Variants in MAP2K7 observed in about 807,000 individuals in gnomAD.
MAP2K7 encodes the protein dual specificity mitogen-activated protein kinase kinase 7.
Under a neutral mutation model 47.7 loss-of-function variants are expected in MAP2K7, and 12 were observed. The observed-to-expected ratio is 0.25, with a 90% confidence interval of 0.16 to 0.41. The LOEUF (loss-of-function observed/expected upper bound fraction) is 0.41. Among genes scored for constraint, MAP2K7 ranks in the 10% least tolerant of loss-of-function variants. The pLI, the probability that MAP2K7 is intolerant of heterozygous loss-of-function variation, is 1.00. For synonymous variants in MAP2K7, 299 were observed against 243.0 expected (o/e 1.23, Z -2.14); for missense variants, 415 against 600.3 (o/e 0.69, Z 3.23).
At chr19:7,905,726 G>T in intron 1 of MAP2K7, 1 of 1,247,126 alleles carries the variant, frequency 8.0e-7, no homozygotes, top group South Asian at 1.2e-5. Context: ...TTTATGATTT[G>T]ATTTCTTTTC....
chr19:7,905,981 C>A, intron 1 of MAP2K7: 2 of 827,108 alleles, frequency 2.4e-6, no homozygotes, highest in East Asian at 2.5e-5. Flanking sequence ...TCCCCTCACT[C>A]TCACTTTCTC....
intron 1 of MAP2K7, among the ~76,000 whole-genome samples, chr19:7,904,295 G>C (rs954849424): frequency 6.6e-6 from 1 of 152,268 alleles, no homozygotes; most frequent in South Asian, 2.1e-4. Context: ...CCAGTTCCCG[G>C]ACCCAGGCGA....
Position 7,912,314 on chromosome 19 carries a change from G to A in MAP2K7, c.1143G>A (p.Lys381=), listed in dbSNP as rs955307130. 2.2e-5 allele frequency: 35 copies of A among 1,613,712 alleles called. No homozygotes were observed. In the East Asian group the frequency reaches 7.6e-4, roughly 35 times the overall value. ...YNKLLEHSFI[K]RYETLEVDVA... ...GCCCACAGGAACACAGCTTCATCAA[G>A]CGCTACGAGACGCTGGAGGTGGACG... Residue 381 remains lysine (K), a synonymous_variant, in exon 11 of 11, where the codon AAG becomes AAA. Coordinates refer to ENST00000397979, the MANE Select transcript of MAP2K7 (RefSeq NM_145185.4).
intron 1 of MAP2K7, among the ~76,000 whole-genome samples, chr19:7,907,449 C>G (rs1054680072): frequency 6.6e-6 from 1 of 152,232 alleles, no homozygotes; most frequent in Non-Finnish European, 1.5e-5. Context: ...GCCGGTGCAC[C>G]TGTGGCTCCT....
chr19:7,905,873 A>G (rs149137946), intron 1 of MAP2K7: 1 of 1,611,218 alleles, frequency 6.2e-7, no homozygotes, highest in Non-Finnish European at 8.5e-7. Context: ...CCTTTTTATC[A>G]TCGCTGCTTG....
intron 1 of MAP2K7, chr19:7,906,509 A>C (rs111973441): frequency 0.014 from 2,188 of 152,344 alleles, 46 homozygotes; most frequent in African/African-American, 0.05. Flanking sequence ...TGATCCCAAC[A>C]CTCGGGGAGG....
chr19:7,911,574 G>T lies in MAP2K7; in HGVS notation c.1075G>T (p.Asp359Tyr). 6.3e-7 allele frequency: 1 copy of T among 1,588,176 alleles called. No homozygotes were observed. The change falls in exon 9 of 11, where the codon GAC becomes TAC. Residue 359 changes from aspartate to tyrosine, a missense_variant. By Grantham distance (160) the Asp-to-Tyr change is radical. Around this residue, in one of 3 missense-constraint regions of MAP2K7, gnomAD observed 94 missense variants for 105.2 expected, o/e 0.89. Coordinates refer to ENST00000397979, the MANE Select transcript of MAP2K7 (RefSeq NM_145185.4). Reference sequence around the variant, plus strand: ...GGGGGACTTCCAGTCCTTCGTCAAAGACTGGTGAGAACCTCCCTCCACTTG... The same window carrying T: ...GGGGGACTTCCAGTCCTTCGTCAAATACTGGTGAGAACCTCCCTCCACTTG... ...FSGDFQSFVK[D>Y]CLTKDHRKRP... is the part of the protein sequence containing the mutation.
intron 1 of MAP2K7, among the ~76,000 whole-genome samples, chr19:7,908,176 A>T (rs1463117262): frequency 6.6e-6 from 1 of 151,934 alleles, no homozygotes; most frequent in Admixed American, 6.5e-5. Flanking sequence ...AAAAAAAAAA[A>T]AAACAGTGGG....
chr19:7,910,920 GGGCAGGTGGCCTTGGGTCTGTGCCCCC>G, intron 6 of MAP2K7, 33 bp from the exon 7 acceptor site: 1 of 1,588,302 alleles, frequency 6.3e-7, no homozygotes, highest in Non-Finnish European at 8.6e-7. Context: ...GGCGTGCACC[GGGCAGGTGGCCTTGGGTCTGTGCCCCC>G]TGCCACATGC....
intron 9 of MAP2K7, among the ~76,000 whole-genome samples, chr19:7,911,800 T>G (rs1418831208): frequency 1.3e-5 from 2 of 152,194 alleles, no homozygotes; most frequent in Non-Finnish European, 2.9e-5. Context: ...CTGTGGCATT[T>G]GGCGGGGTGG....
chr19:7,911,063 G>C lies in MAP2K7; in HGVS notation c.759G>C (p.Glu253Asp). Reference protein sequence around the residue: ...DVKPSNILLDERGQIKLCDFG... With the variant: ...DVKPSNILLDDRGQIKLCDFG... Reference sequence around the variant, plus strand: ...AGCCCTCCAACATCCTGCTGGACGAGCGGGGCCAGATCAAGCTCTGCGACT... The same window carrying C: ...AGCCCTCCAACATCCTGCTGGACGACCGGGGCCAGATCAAGCTCTGCGACT... Residue 253 changes from glutamate (E) to aspartate (D), a missense_variant, in exon 7 of 11, where the codon GAG becomes GAC. By Grantham distance (45) the Glu-to-Asp change is conservative (BLOSUM62 2). This residue lies in a region of MAP2K7 where 206 missense variants were observed against 368.8 expected (regional missense o/e 0.56). Coordinates refer to ENST00000397979, the MANE Select transcript of MAP2K7 (RefSeq NM_145185.4). 6.2e-7 allele frequency: 1 copy of C among 1,612,728 alleles called. No individual in the cohort carries two copies. The highest frequency in any genetic ancestry group is 1.7e-4 in the Middle Eastern group (1 of 6,060).
Position 7,904,076 on chromosome 19 carries a change from C to A in MAP2K7, c.124+8C>A, listed in dbSNP as rs780692240. 2 of 253,108 alleles carry A rather than the reference C, an allele frequency of 7.9e-6. No individual in the cohort carries two copies. The highest frequency in any genetic ancestry group is 8.7e-5 in the South Asian group (2 of 22,862). 15.7% of individuals were successfully genotyped at this position (253,108 alleles called of 1,614,324 possible). A position where few individuals can be genotyped will look rare whatever the true frequency, so the allele number is the denominator to read the frequency against. ...CCCAGCGGCCCAGGCCCAGTAAGCA[C>A]GGCGGCGTGGGGGAGGGGGCGGGCG... On this transcript the variant is annotated splice_region_variant and intron_variant, in intron 1 of 10. Transcript: ENST00000397979.
rs1398681491 is a variant in MAP2K7, at chr19:7,909,864, G to A, written c.234G>A (p.Pro78=). The A allele has an allele frequency of 9.8e-6, 15 of 1,535,428 alleles. No homozygotes were observed. The highest frequency in any genetic ancestry group is 2.0e-4 in the Middle Eastern group (1 of 5,128). Residue 78 remains proline, a synonymous_variant, in exon 2 of 11, where the codon CCG becomes CCA. Coordinates refer to ENST00000397979, the MANE Select transcript of MAP2K7 (RefSeq NM_145185.4). ...PARPRHMLGL[P]STLFTPRSME... ...GGCCCCGCCACATGCTGGGGCTCCC[G>A]TCAACCCTGTTCACACCCCGCAGCA...
Position 7,910,690 on chromosome 19 carries a change from C to G in MAP2K7, c.568-6C>G. The G allele has an allele frequency of 1.2e-6, 2 of 1,608,084 alleles. No individual in the cohort carries two copies. The highest frequency in any genetic ancestry group is 1.1e-5 in the South Asian group (1 of 90,784). ...ACAGCTCCCCCGGGTGCCCCTCTCC[C>G]TGCAGACGGACGTCTTCATCGCCAT... On this transcript the variant is annotated splice_region_variant and splice_polypyrimidine_tract_variant and intron_variant, in intron 5 of 10. Coordinates refer to ENST00000397979, the MANE Select transcript of MAP2K7 (RefSeq NM_145185.4).
At chr19:7,911,691 T>A in intron 9 of MAP2K7, 113 bp downstream of exon 9, 1 of 1,141,296 alleles carries the variant, frequency 8.8e-7, no homozygotes, top group Non-Finnish European at 1.2e-6. Flanking sequence ...CGGATGCGAC[T>A]GTGGGCGGGC....
At chr19:7,908,572 G>A (rs1164771829) in intron 1 of MAP2K7, among the ~76,000 whole-genome samples, 1 of 152,118 alleles carries the variant, frequency 6.6e-6, no homozygotes, top group Non-Finnish European at 1.5e-5. Flanking sequence ...AAAGGTGGAC[G>A]AGGCAGGAGG....
chr19:7,910,254 T>TC lies in MAP2K7; in HGVS notation c.334-3dup. 1 of 1,612,676 alleles carries TC rather than the reference T, an allele frequency of 6.2e-7. No individual in the cohort carries two copies. Among genetic ancestry groups the TC allele is most frequent in the Non-Finnish European group, 8.5e-7 (1 of 1,179,694 alleles). On this transcript the variant is annotated splice_region_variant and splice_polypyrimidine_tract_variant and intron_variant, in intron 3 of 10. Coordinates refer to ENST00000397979, the MANE Select transcript of MAP2K7 (RefSeq NM_145185.4). Reference sequence around the variant, plus strand: ...AGGGACCCTCCAACCCTCCCTCTCCTCCCAGCGCTACCAGGCAGAAATCAA... The same window carrying TC: ...AGGGACCCTCCAACCCTCCCTCTCCTCCCCAGCGCTACCAGGCAGAAATCAA...
intron 1 of MAP2K7, 77 bp from the exon 2 acceptor site, chr19:7,909,678 C>A (rs1982687105): frequency 1.2e-6 from 1 of 856,412 alleles, no homozygotes; most frequent in Non-Finnish European, 1.8e-6. Context: ...CCCGACCCCT[C>A]CCTGGAGTGC....
chr19:7,911,486 T>C lies in MAP2K7; in HGVS notation c.987T>C (p.Phe329=). 2 of 1,613,456 alleles carry C rather than the reference T, an allele frequency of 1.2e-6. No individual in the cohort carries two copies. The highest frequency in any genetic ancestry group is 2.2e-5 in the East Asian group (1 of 44,864). ...QFPYKNCKTD[F]EVLTKVLQEE... ...CCTACAAGAACTGCAAGACGGACTT[T>C]GAGGTCCTCACCAAAGTCCTACAGG... Residue 329 remains phenylalanine (F), a synonymous_variant, in exon 9 of 11, where the codon TTT becomes TTC. Transcript: ENST00000397979.
Sources: allele counts gnomAD v4.1 joint callset (sites outside exome capture counted in the v4.1 genomes callset), GRCh38; gene constraint gnomAD v4.1.1; regional missense constraint gnomAD v4.1.1; transcripts MANE v1.5; gene names NCBI Gene and HGNC (gene_info 2026-07-23, HGNC 2026-07-21).